Variants in TARS3 observed in about 807,000 individuals in gnomAD.
TARS3 encodes the protein threonyl-tRNA synthetase 3.
A neutral mutation model predicts 103.5 loss-of-function variants in TARS3; 94 were observed. The observed-to-expected ratio is 0.91, with a 90% CI of 0.77 to 1.08. The LOEUF (loss-of-function observed/expected upper bound fraction) is 1.08. Among genes scored for constraint, TARS3 ranks in the 50% least tolerant of loss-of-function variants. TARS3 has a pLI of 0.00. For synonymous variants in TARS3, 416 were observed against 355.4 expected (o/e 1.17, Z -1.92); for missense variants, 952 against 995.2 (o/e 0.96, Z 0.58).
intron 10 of TARS3, among the ~76,000 whole-genome samples, chr15:101,689,615 C>G (rs559822011): frequency 6.6e-6 from 1 of 152,076 alleles, no homozygotes; most frequent in Non-Finnish European, 1.5e-5. Flanking sequence ...ATGGGAATGA[C>G]GCTTCAACAA....
At chr15:101,707,270 G>A (rs1266449760) in intron 6 of TARS3, among the ~76,000 whole-genome samples, 1 of 152,122 alleles carries the variant, frequency 6.6e-6, no homozygotes, top group African/African-American at 2.4e-5. Context: ...TGCACCAAAC[G>A]GTATGGCGAG....
chr15:101,708,183 A>G (rs1415113579), intron 6 of TARS3, among the ~76,000 whole-genome samples: 3 of 135,172 alleles, frequency 2.2e-5, no homozygotes, highest in Non-Finnish European at 4.7e-5. Context: ...CGGAGGTTGC[A>G]GTGAGCCAAG....
Position 101,688,059 on chromosome 15 carries a change from A to G in TARS3, c.1321-1997T>C, listed in dbSNP as rs75066787. 3.8e-3 allele frequency among the ~76,000 whole-genome samples: 575 copies of G among 152,240 alleles called. 8 individuals are homozygous for G. The highest frequency in any genetic ancestry group is 0.013 in the African/African-American group (536 of 41,518). On this transcript the variant is annotated intron_variant, in intron 10 of 18. Transcript: ENST00000335968. ...AACTAATGAATATAATCCCTATGAG[A>G]TGAAGTGTCAGCAACTATTATATTT...
In TARS3 at chr15:101,705,690, C is replaced by G; in HGVS notation, c.988G>C (p.Val330Leu). Residue 330 changes from valine (V) to leucine (L), a missense_variant, in exon 7 of 19, where the codon GTG (valine) becomes CTG (leucine). Coordinates refer to ENST00000335968, the MANE Select transcript of TARS3 (RefSeq NM_152334.3). ...NEKVNTATTT[V>L]YRCGPLIDLC... is the part of the protein sequence containing the mutation. ...CCATGTGTGGACACAAACCTGTACA[C>G]GGTGGTAGTTGCAGTGTTAACTTTC... is the stretch of plus-strand genomic sequence containing the variant. 1 of 1,610,756 alleles carries G rather than the reference C, an allele frequency of 6.2e-7. No individual in the cohort carries two copies. The highest frequency in any genetic ancestry group is 1.7e-5 in the Admixed American group (1 of 59,782).
chr15:101,684,899 C>A (rs1040295135), intron 11 of TARS3, among the ~76,000 whole-genome samples: 1 of 152,056 alleles, frequency 6.6e-6, no homozygotes, highest in Admixed American at 6.6e-5. Context: ...TTATAAAGTA[C>A]GAGGCTATAA....
chr15:101,657,159 G>T lies in TARS3; in HGVS notation c.2146-123C>A, dbSNP rs140851199. 12 of 610,302 alleles carry T rather than the reference G, an allele frequency of 2.0e-5. No individual in the cohort carries two copies. In the South Asian group the frequency reaches 2.7e-4, roughly 14 times the overall value. The allele number at this position is 610,302 out of a possible 1,614,324, so 37.8% of individuals were successfully genotyped here. ...GTTCCCTGCTCACTATACCAGAGCG[G>T]GTCTGCGTGACCATAAAGAAGTGCG... On this transcript the variant is annotated intron_variant, in intron 17 of 18. Transcript: ENST00000335968.
intron 8 of TARS3, among the ~76,000 whole-genome samples, chr15:101,703,390 G>C (rs1899380593): frequency 6.6e-6 from 1 of 152,112 alleles, no homozygotes. Flanking sequence ...AGGAGTTCGA[G>C]ACCAGCCTGA....
At chr15:101,676,792 C>T (rs943101134) in intron 12 of TARS3, among the ~76,000 whole-genome samples, 3 of 151,060 alleles carry the variant, frequency 2.0e-5, no homozygotes, top group Non-Finnish European at 2.9e-5. Flanking sequence ...TAGGCATGAG[C>T]CACTACACCC....
intron 10 of TARS3, among the ~76,000 whole-genome samples, chr15:101,699,670 T>C (rs1425284989): frequency 6.6e-6 from 1 of 152,144 alleles, no homozygotes; most frequent in African/African-American, 2.4e-5. Context: ...TCTCCTACCA[T>C]TGCCTCGCAT....
At chr15:101,677,117 T>G (rs1898059085) in intron 12 of TARS3, among the ~76,000 whole-genome samples, 1 of 152,206 alleles carries the variant, frequency 6.6e-6, no homozygotes, top group Non-Finnish European at 1.5e-5. Flanking sequence ...ATGGCTACTT[T>G]TAAGTGTTAA....
At chr15:101,673,894 C>A (rs1002031962) in intron 13 of TARS3, among the ~76,000 whole-genome samples, 1 of 152,116 alleles carries the variant, frequency 6.6e-6, no homozygotes, top group East Asian at 1.9e-4. Context: ...TAATCCAGGG[C>A]TTCTCTGATT....
intron 7 of TARS3, among the ~76,000 whole-genome samples, chr15:101,704,388 C>T (rs7179754): frequency 0.64 from 97,176 of 152,086 alleles, 32,165 homozygotes; most frequent in Non-Finnish European, 0.71. Context: ...GGTGTGGTGG[C>T]TCACACCTGT....
At chr15:101,701,253 T>C (rs1188941383) in intron 9 of TARS3, 69 bp from the exon 10 acceptor site, 19 of 892,170 alleles carry the variant, frequency 2.1e-5, no homozygotes, top group South Asian at 5.5e-5. Context: ...CACACACATA[T>C]AATACTCAGT....
chr15:101,723,011 T>C lies in TARS3; in HGVS notation c.369+82A>G, dbSNP rs1900566617. 3.1e-6 allele frequency: 4 copies of C among 1,280,444 alleles called. No homozygotes were observed. In the South Asian group the frequency reaches 3.8e-5, roughly 12 times the overall value. 79.3% of individuals were successfully genotyped at this position (1,280,444 alleles called of 1,614,324 possible). On this transcript the variant is annotated intron_variant, in intron 2 of 18. Transcript: ENST00000335968. The stretch of plus-strand genomic sequence containing the variant: ...TAATAATTTAATCAGTAATTTTTAT[T>C]GGAAATCCTAGGTAATTAACTATAT...
rs1409437920 is a variant in TARS3 at position 101,703,891 on chromosome 15, T to C, written c.1042A>G (p.Thr348Ala). 2 of 1,613,100 alleles carry C rather than the reference T, an allele frequency of 1.2e-6. No individual in the cohort carries two copies. The highest frequency in any genetic ancestry group is 1.7e-5 in the Admixed American group (1 of 59,840). The change falls in exon 8 of 19, where the codon ACT (threonine) becomes GCT (alanine). Residue 348 changes from threonine (T) to alanine (A), a missense_variant. Thr to Ala is a moderately conservative substitution (Grantham distance 58). Around this residue, in one of 2 missense-constraint regions of TARS3, gnomAD observed 540 missense variants for 631.0 expected, o/e 0.86. Coordinates refer to ENST00000335968, the MANE Select transcript of TARS3 (RefSeq NM_152334.3). ...DLCKGPHVRH[T>A]GKIKTIKIFK... ...ATTTTGATGGTTTTAATTTTTCCAG[T>C]GTGTCTTACATGTGGACCTTTGCAA...
intron 8 of TARS3, among the ~76,000 whole-genome samples, chr15:101,702,714 G>T (rs528154507): frequency 1.3e-5 from 2 of 152,196 alleles, no homozygotes; most frequent in Non-Finnish European, 2.9e-5. Context: ...AGGCTGCAGT[G>T]AGCAGTGTTT....
Position 101,661,769 on chromosome 15 carries a change from A to ATG in TARS3, c.2013_2014dup (p.Ile672ThrfsTer9). 1 of 1,607,884 alleles carries ATG rather than the reference A, an allele frequency of 6.2e-7. No individual in the cohort carries two copies. The highest frequency in any genetic ancestry group is 8.5e-7 in the Non-Finnish European group (1 of 1,176,822). ...TATCATTCTTTCCACTGATCCCAAA[A>ATG]TGGCTCGATGAATGATCACAGGTCT... On this transcript the variant is annotated frameshift_variant, in exon 16 of 19. Coordinates refer to ENST00000335968, the MANE Select transcript of TARS3 (RefSeq NM_152334.3). LOFTEE classifies it high-confidence loss of function.
chr15:101,692,606 ACTC>A (rs1383357736), intron 10 of TARS3, among the ~76,000 whole-genome samples: 1 of 143,250 alleles, frequency 7.0e-6, no homozygotes, highest in Non-Finnish European at 1.5e-5. Flanking sequence ...TGGTATTACT[ACTC>A]CATCTCCTCA....
rs991839102 is a variant in TARS3, at chr15:101,687,923, C to T, written c.1321-1861G>A. Among the ~76,000 whole-genome samples the T allele has an allele frequency of 3.3e-5, 5 of 152,188 alleles. No individual in the cohort carries two copies. In the South Asian group the frequency reaches 1.0e-3, roughly 32 times the overall value. On this transcript the variant is annotated intron_variant, in intron 10 of 18. Coordinates refer to ENST00000335968, the MANE Select transcript of TARS3 (RefSeq NM_152334.3). ...ACCTGGAAGAGGGCCCTCACCAGAA[C>T]CCAACCATGCTGGGACCCTAATCTT... is the stretch of plus-strand genomic sequence containing the variant.
Sources: gnomAD v4.1 joint callset for allele counts (sites outside exome capture counted in the v4.1 genomes callset) on GRCh38, gnomAD v4.1.1 for gene constraint, gnomAD v4.1.1 regional missense constraint, MANE v1.5 for transcripts, NCBI Gene and HGNC (gene_info 2026-07-23, HGNC 2026-07-21) for gene names.